Variants in PXDNL observed in about 807,000 individuals in gnomAD.
PXDNL encodes the protein probable oxidoreductase PXDNL.
In PXDNL, 145 loss-of-function variants were observed where a neutral mutation model predicts 150.8. The ratio of observed to expected loss-of-function variants is 0.96; its 90% confidence interval spans 0.84 to 1.10. The LOEUF is 1.10. Ranked by LOEUF, PXDNL falls within the 50% of genes least tolerant of loss-of-function variation. PXDNL has a pLI of 0.00. For missense variants in PXDNL, 2,087 were observed against 1,873.9 expected, an observed-to-expected ratio of 1.11 and a Z score of -2.10; for synonymous variants, 757 against 725.7, an observed-to-expected ratio of 1.04 and a Z score of -0.69.
chr8:51,798,288 A>G (rs964602636), intron 1 of PXDNL, among the ~76,000 whole-genome samples: 2 of 152,232 alleles, frequency 1.3e-5, no homozygotes, highest in African/African-American at 2.4e-5. Flanking sequence ...AGATTTCATG[A>G]TGAAAACATC....
At chr8:51,744,973 A>T (rs373433897) in intron 1 of PXDNL, among the ~76,000 whole-genome samples, 2 of 53,760 alleles carry the variant, frequency 3.7e-5, no homozygotes, top group African/African-American at 1.0e-4. Context: ...AGAAAGAAAG[A>T]AAGAAAGAAA....
chr8:51,570,123 T>C (rs1812903469), intron 3 of PXDNL, among the ~76,000 whole-genome samples: 2 of 150,974 alleles, frequency 1.3e-5, no homozygotes, highest in Admixed American at 6.6e-5. Context: ...TTTGCTGGGA[T>C]TCTCATATAT....
At chr8:51,600,278 AATAAATTAT>A (rs1457136321) in intron 2 of PXDNL, among the ~76,000 whole-genome samples, 14,719 of 126,948 alleles carry the variant, frequency 0.12, 2,334 homozygotes, top group Admixed American at 0.18. Context: ...TCGTTTAGAT[AATAAATTAT>A]ATCTTATATA....
At chr8:51,683,566 TGCTGTAC>T (rs1815804932) in intron 1 of PXDNL, among the ~76,000 whole-genome samples, 1 of 152,108 alleles carries the variant, frequency 6.6e-6, no homozygotes, top group Non-Finnish European at 1.5e-5. Flanking sequence ...TCCAGAGATC[TGCTGTAC>T]AACATTGCCC....
At chr8:51,646,684 G>C (rs1404979349) in intron 2 of PXDNL, among the ~76,000 whole-genome samples, 2 of 152,156 alleles carry the variant, frequency 1.3e-5, no homozygotes, top group Non-Finnish European at 2.9e-5. Context: ...TGCTCCTAAG[G>C]GGAGCAGGAA....
chr8:51,557,145 A>G (rs1188524417), intron 3 of PXDNL, among the ~76,000 whole-genome samples: 3 of 152,182 alleles, frequency 2.0e-5, no homozygotes, highest in Non-Finnish European at 2.9e-5. Flanking sequence ...TAAGAAACAT[A>G]GAGTATTTGT....
intron 1 of PXDNL, among the ~76,000 whole-genome samples, chr8:51,662,772 T>C (rs1815303169): frequency 6.6e-6 from 1 of 152,104 alleles, no homozygotes; most frequent in Non-Finnish European, 1.5e-5. Flanking sequence ...AAAAAAACAG[T>C]GTACTTTATG....
chr8:51,643,031 T>C (rs200621995), intron 2 of PXDNL, among the ~76,000 whole-genome samples: 2 of 152,004 alleles, frequency 1.3e-5, no homozygotes, highest in East Asian at 3.9e-4. Flanking sequence ...CACTGCTCAA[T>C]GAAATAAAAG....
chr8:51,733,783 G>A (rs1355881091), intron 1 of PXDNL, among the ~76,000 whole-genome samples: 1 of 147,910 alleles, frequency 6.8e-6, no homozygotes, highest in Non-Finnish European at 1.5e-5. Context: ...ACTCCAGCCT[G>A]GGTGACACAG....
intron 1 of PXDNL, among the ~76,000 whole-genome samples, chr8:51,705,905 C>A (rs751618020): frequency 1.3e-5 from 2 of 152,204 alleles, no homozygotes; most frequent in East Asian, 1.9e-4. Flanking sequence ...TCATAATTTA[C>A]ATTTATTTAA....
chr8:51,692,085 C>A (rs560205597), intron 1 of PXDNL, among the ~76,000 whole-genome samples: 2 of 152,320 alleles, frequency 1.3e-5, no homozygotes, highest in African/African-American at 4.8e-5. Context: ...CCATCCCTCT[C>A]CATCCCCTCT....
intron 8 of PXDNL, among the ~76,000 whole-genome samples, chr8:51,458,276 TG>T (rs1809981817): frequency 6.6e-6 from 1 of 152,136 alleles, no homozygotes; most frequent in Non-Finnish European, 1.5e-5. Flanking sequence ...ATCCATTGAG[TG>T]CAAGTAGGTT....
At chr8:51,385,629 G>A (rs1405382969) in intron 17 of PXDNL, among the ~76,000 whole-genome samples, 6 of 152,172 alleles carry the variant, frequency 3.9e-5, no homozygotes, top group Non-Finnish European at 7.3e-5. Flanking sequence ...CATAAACTAC[G>A]TTTTTATACC....
At chr8:51,624,715 G>T (rs930168254) in intron 2 of PXDNL, among the ~76,000 whole-genome samples, 1 of 148,734 alleles carries the variant, frequency 6.7e-6, no homozygotes, top group South Asian at 2.1e-4. Context: ...TTTCAGACTG[G>T]AGTCAACATC....
chr8:51,326,280 T>C (rs1805483574), intron 21 of PXDNL, among the ~76,000 whole-genome samples: 1 of 152,258 alleles, frequency 6.6e-6, no homozygotes, highest in East Asian at 1.9e-4. Flanking sequence ...GGTGGATCAC[T>C]TGAGGTCAGG....
chr8:51,330,957 C>G (rs60579236), intron 21 of PXDNL, among the ~76,000 whole-genome samples: 33,608 of 152,072 alleles, frequency 0.22, 3,820 homozygotes, highest in Middle Eastern at 0.3. Flanking sequence ...TAAGGACTTC[C>G]GATAGATGAT....
intron 17 of PXDNL, among the ~76,000 whole-genome samples, chr8:51,402,534 A>C (rs886756708): frequency 6.6e-6 from 1 of 152,220 alleles, no homozygotes; most frequent in Non-Finnish European, 1.5e-5. Flanking sequence ...AAATAAATAA[A>C]TAAAGCCGAG....
intron 1 of PXDNL, among the ~76,000 whole-genome samples, chr8:51,766,989 C>T (rs535737383): frequency 1.3e-5 from 2 of 152,006 alleles, no homozygotes; most frequent in East Asian, 3.9e-4. Flanking sequence ...TTTTTAGATT[C>T]TCTTCATTTT....
At chr8:51,573,463 T>G (rs78063467) in intron 3 of PXDNL, among the ~76,000 whole-genome samples, 2 of 152,014 alleles carry the variant, frequency 1.3e-5, no homozygotes, top group Admixed American at 6.6e-5. Context: ...TATGAAGCAG[T>G]GATGATGCCA....
Sources: gnomAD v4.1 joint callset for allele counts (sites outside exome capture counted in the v4.1 genomes callset) on GRCh38, gnomAD v4.1.1 for gene constraint, MANE v1.5 for transcripts, NCBI Gene and HGNC (gene_info 2026-07-23, HGNC 2026-07-21) for gene names.